Variants in KCNJ16 observed in about 807,000 individuals in gnomAD.
The protein encoded by KCNJ16 is inward rectifier potassium channel 16.
In KCNJ16, 15 loss-of-function variants were observed where a neutral mutation model predicts 18.5. The observed-to-expected ratio is 0.81, with a 90% CI of 0.54 to 1.25. The LOEUF is 1.25. KCNJ16 is among the 50% of genes most tolerant of loss of function. The pLI is 0.00. For missense variants in KCNJ16, 523 were observed against 525.7 expected, an observed-to-expected ratio of 0.99 and a Z score of 0.05; for synonymous variants, 174 against 186.5, an observed-to-expected ratio of 0.93 and a Z score of 0.55.
chr17:70,090,762 C>A (rs1288821943), intron 1 of KCNJ16, among the ~76,000 whole-genome samples: 1 of 151,984 alleles, frequency 6.6e-6, no homozygotes, highest in African/African-American at 2.4e-5. Context: ...TACCGCTAAC[C>A]CACTCACAAT....
chr17:70,077,789 G>C (rs1015661), intron 1 of KCNJ16, among the ~76,000 whole-genome samples: 129,614 of 151,544 alleles, frequency 0.86, 55,540 homozygotes, highest in East Asian at 0.99. Flanking sequence ...CTCATCTTCT[G>C]AGATGTCTAT....
chr17:70,098,739 C>G (rs1316744875), intron 1 of KCNJ16, among the ~76,000 whole-genome samples: 2 of 152,114 alleles, frequency 1.3e-5, no homozygotes, highest in Non-Finnish European at 2.9e-5. Flanking sequence ...TATGTATTTC[C>G]TCCACTCATA....
At chr17:70,107,633 C>T (rs1225546643) in intron 2 of KCNJ16, among the ~76,000 whole-genome samples, 2 of 152,032 alleles carry the variant, frequency 1.3e-5, no homozygotes, top group Non-Finnish European at 2.9e-5. Flanking sequence ...AGTACCAAAA[C>T]ATGGGTCAGG....
chr17:70,075,675 T>C (rs954574922), intron 1 of KCNJ16, among the ~76,000 whole-genome samples: 3 of 152,180 alleles, frequency 2.0e-5, no homozygotes, highest in Admixed American at 6.5e-5. Context: ...TATTTGTAAA[T>C]GTCTAAAAGT....
intron 1 of KCNJ16, among the ~76,000 whole-genome samples, chr17:70,082,177 T>A (rs1311726818): frequency 1.3e-5 from 2 of 152,148 alleles, no homozygotes; most frequent in Non-Finnish European, 1.5e-5. Flanking sequence ...AAGGGAAGCT[T>A]TACTGTGGAA....
At chr17:70,115,163 T>C (rs1237105212) in intron 2 of KCNJ16, among the ~76,000 whole-genome samples, 3 of 152,136 alleles carry the variant, frequency 2.0e-5, no homozygotes, top group African/African-American at 7.2e-5. Context: ...TAAGAATCAA[T>C]TGAGGACCAA....
intron 2 of KCNJ16, among the ~76,000 whole-genome samples, chr17:70,107,222 A>G (rs2072972219): frequency 6.6e-6 from 1 of 152,240 alleles, no homozygotes; most frequent in Non-Finnish European, 1.5e-5. Flanking sequence ...TCAAACAGAA[A>G]CTAGACTGAC....
Position 70,133,152 on chromosome 17 carries a change from A to C in KCNJ16, c.1065A>C (p.Lys355Asn), listed in dbSNP as rs142796122. 2.5e-6 allele frequency: 4 copies of C among 1,614,092 alleles called. No homozygotes were observed. Among genetic ancestry groups the C allele is most frequent in the South Asian group, 1.1e-5 (1 of 91,090 alleles). ...AAGACCAGCAGCTCCACATAGAAAA[A>C]GCACCACCAGTTCGAGAATCCTGCA... is the stretch of plus-strand genomic sequence containing the variant. ...DWKDQQLHIEKAPPVRESCTS... is the reference protein window; with the variant it reads ...DWKDQQLHIENAPPVRESCTS... The change falls in exon 4 of 4, where the codon AAA becomes AAC. Residue 355 changes from lysine to asparagine, a missense_variant. Transcript: ENST00000392671.
chr17:70,133,193 C>G lies in KCNJ16; in HGVS notation c.1106C>G (p.Ala369Gly). ...GAATCCTGCACGTCGGACACCAAGG[C>G]GAGACGAAGGTCATTTAGTGCAGTT... ...VRESCTSDTKARRRSFSAVAI... is the reference protein window; with the variant it reads ...VRESCTSDTKGRRRSFSAVAI... Residue 369 changes from alanine to glycine, a missense_variant, in exon 4 of 4, where the codon GCG becomes GGG. Coordinates refer to ENST00000392671, the MANE Select transcript of KCNJ16 (RefSeq NM_170741.4). The G allele has an allele frequency of 6.2e-7, 1 of 1,614,158 alleles. No homozygotes were observed. Among genetic ancestry groups the G allele is most frequent in the Non-Finnish European group, 8.5e-7 (1 of 1,180,044 alleles).
At chr17:70,088,618 A>G (rs1486626676) in intron 1 of KCNJ16, among the ~76,000 whole-genome samples, 3 of 152,210 alleles carry the variant, frequency 2.0e-5, no homozygotes, top group African/African-American at 7.2e-5. Context: ...ATTATTCATT[A>G]AATTTTGTCC....
intron 2 of KCNJ16, among the ~76,000 whole-genome samples, chr17:70,126,120 A>T (rs1489930861): frequency 6.6e-6 from 1 of 152,192 alleles, no homozygotes; most frequent in African/African-American, 2.4e-5. Context: ...AGCTTTTGAC[A>T]AATAATTGTT....
intron 1 of KCNJ16, among the ~76,000 whole-genome samples, chr17:70,082,063 T>C (rs1393541808): frequency 6.6e-6 from 1 of 152,310 alleles, no homozygotes; most frequent in Non-Finnish European, 1.5e-5. Flanking sequence ...GTTCTGTTGG[T>C]CACTAGGCAT....
chr17:70,097,293 A>G (rs923648536), intron 1 of KCNJ16, among the ~76,000 whole-genome samples: 1 of 152,190 alleles, frequency 6.6e-6, no homozygotes, highest in African/African-American at 2.4e-5. Flanking sequence ...AGTTTCTAGC[A>G]AACATTTTTG....
At chr17:70,099,017 C>T (rs1443160180) in intron 1 of KCNJ16, among the ~76,000 whole-genome samples, 1 of 152,252 alleles carries the variant, frequency 6.6e-6, no homozygotes, top group East Asian at 1.9e-4. Flanking sequence ...TGACATCAGC[C>T]ATGCGTGGAG....
At chr17:70,124,889 G>A (rs575574571) in intron 2 of KCNJ16, among the ~76,000 whole-genome samples, 15 of 89,362 alleles carry the variant, frequency 1.7e-4, no homozygotes, top group African/African-American at 9.5e-4. Context: ...TGAATAGATG[G>A]GTGTGTGTTT....
chr17:70,085,456 T>C (rs8068704), intron 1 of KCNJ16, among the ~76,000 whole-genome samples: 136,692 of 152,280 alleles, frequency 0.9, 61,471 homozygotes, highest in East Asian at 1. Flanking sequence ...GTAGTAAAGG[T>C]ATGGGCTTTT....
chr17:70,127,615 G>C (rs2073900032), intron 2 of KCNJ16, among the ~76,000 whole-genome samples: 1 of 150,960 alleles, frequency 6.6e-6, no homozygotes, highest in Non-Finnish European at 1.5e-5. Context: ...TCTACCCTGG[G>C]TCCCATCCTC....
intron 2 of KCNJ16, among the ~76,000 whole-genome samples, chr17:70,112,684 T>C (rs7225133): frequency 0.071 from 10,793 of 152,192 alleles, 1,258 homozygotes; most frequent in African/African-American, 0.25. Context: ...AGAGAAAATA[T>C]TCATCTCATC....
In KCNJ16 at chr17:70,133,506, A is replaced by G. The variant is rs1489718154; in HGVS notation, c.*162A>G. On this transcript the variant is annotated 3_prime_UTR_variant, in exon 4 of 4. Coordinates refer to ENST00000392671, the MANE Select transcript of KCNJ16 (RefSeq NM_170741.4). ...TGGTAAAAGATAATCTAAAAATTCC[A>G]TAGTTCTCAGTTATTAAAATTTTTC... 7 of 614,864 alleles carry G rather than the reference A, an allele frequency of 1.1e-5. No homozygotes were observed. The highest frequency in any genetic ancestry group is 3.3e-5 in the Admixed American group (1 of 30,050). 38.1% of individuals were successfully genotyped at this position (614,864 alleles called of 1,614,324 possible). A position where few individuals can be genotyped will look rare whatever the true frequency, so the allele number is the denominator to read the frequency against.
Sources: gnomAD v4.1 joint callset for allele counts (sites outside exome capture counted in the v4.1 genomes callset) on GRCh38, gnomAD v4.1.1 for gene constraint, MANE v1.5 for transcripts, NCBI Gene and HGNC (gene_info 2026-07-23, HGNC 2026-07-21) for gene names.